TCF4: variants seen among roughly 807,000 people sequenced by gnomAD.
TCF4 encodes SL3-3 enhancer factor 2.
In TCF4, 3 loss-of-function variants were observed where a neutral mutation model predicts 82.1. The ratio of observed to expected loss-of-function variants is 0.04; its 90% CI spans 0.02 to 0.09. TCF4 has a LOEUF of 0.09. TCF4 is among the 10% of genes least tolerant of loss of function. TCF4 has a pLI of 1.00. For missense variants in TCF4, 518 were observed against 852.7 expected (o/e 0.61, Z 4.89); for synonymous variants, 276 against 309.6 (o/e 0.89, Z 1.14).
intron 15 of TCF4, among the ~76,000 whole-genome samples, chr18:55,240,859 A>G (rs2050994200): frequency 6.6e-6 from 1 of 152,154 alleles, no homozygotes. Flanking sequence ...TTGGATTTTT[A>G]CTTGATTCTT....
chr18:55,589,970 TCTC>T (rs1202045397), upstream of TCF4: 10 of 357,846 alleles, frequency 2.8e-5, no homozygotes, highest in Non-Finnish European at 3.5e-5. Context: ...GGGTGGCTGT[TCTC>T]GGGTAGGCGT....
intron 8 of TCF4, among the ~76,000 whole-genome samples, chr18:55,281,501 T>C (rs1313643004): frequency 6.6e-6 from 1 of 152,138 alleles, no homozygotes; most frequent in African/African-American, 2.4e-5. Flanking sequence ...CTATGGAATA[T>C]ACCCAAATTT....
chr18:55,401,344 G>A lies in TCF4; in HGVS notation c.369+2110C>T, dbSNP rs1191184926. On this transcript the variant is annotated intron_variant, in intron 6 of 19. Transcript: ENST00000354452. ...GACCACGCTAAGCACAGAGATAGTAGACTCTTGCAAGACTCACAACCATGA... is the reference window on the plus strand; with the variant it reads ...GACCACGCTAAGCACAGAGATAGTAAACTCTTGCAAGACTCACAACCATGA... 26 of 1,147,740 alleles carry A rather than the reference G, an allele frequency of 2.3e-5. No individual in the cohort carries two copies. The Admixed American group carries it at 1.1e-3, about 47-fold the overall frequency. The allele number at this position is 1,147,740 out of a possible 1,614,324, so 71.1% of individuals were successfully genotyped here. A position where few individuals can be genotyped will look rare whatever the true frequency, so the allele number is the denominator to read the frequency against.
intron 15 of TCF4, among the ~76,000 whole-genome samples, chr18:55,239,133 A>G (rs1205850528): frequency 6.6e-6 from 1 of 152,276 alleles, no homozygotes; most frequent in Non-Finnish European, 1.5e-5. Context: ...GTCAATGGAA[A>G]TAATTAAATG....
In TCF4 at chr18:55,635,508, C is replaced by CA. The variant is rs1277113038; in HGVS notation, c.195+194dup. Among the ~76,000 whole-genome samples the CA allele has an allele frequency of 2.9e-3, 329 of 111,808 alleles. 1 individual carries two copies. The highest frequency in any genetic ancestry group is 9.5e-3 in the Middle Eastern group (2 of 210). 73.4% of individuals were successfully genotyped at this position (111,808 alleles called of 152,430 possible). On this transcript the variant is annotated intron_variant, in intron 1 of 20. Coordinates refer to the TCF4 transcript ENST00000398339. ...TGTGAGACAGAGTGAGGCCCTGTCT[C>CA]AAAAAAAAAAAAAGAAAAGAAAAAG...
chr18:55,455,914 T>C (rs116580314), intron 5 of TCF4, among the ~76,000 whole-genome samples: 2,385 of 152,322 alleles, frequency 0.016, 64 homozygotes, highest in African/African-American at 0.053. Flanking sequence ...AGCTGATTCA[T>C]TGGTTATTCT....
intron 3 of TCF4, among the ~76,000 whole-genome samples, chr18:55,515,730 T>C (rs536541202): frequency 6.6e-5 from 10 of 152,242 alleles, no homozygotes; most frequent in African/African-American, 1.4e-4. Flanking sequence ...TGGCACATTA[T>C]ATACAGAATG....
chr18:55,554,136 A>G (rs371460776), intron 3 of TCF4, among the ~76,000 whole-genome samples: 7 of 152,124 alleles, frequency 4.6e-5, no homozygotes, highest in Non-Finnish European at 5.9e-5. Flanking sequence ...GTATATTGAG[A>G]TGACAGAACC....
chr18:55,324,533 T>G (rs1243402808), intron 8 of TCF4, among the ~76,000 whole-genome samples: 1 of 152,220 alleles, frequency 6.6e-6, no homozygotes, highest in Non-Finnish European at 1.5e-5. Flanking sequence ...AGAATAATTT[T>G]AAAGAAGTCT....
chr18:55,448,207 TC>T (rs1332715246), intron 5 of TCF4, among the ~76,000 whole-genome samples: 2 of 152,166 alleles, frequency 1.3e-5, no homozygotes, highest in African/African-American at 4.8e-5. Context: ...TAAAAACCAG[TC>T]CTCCTTTCAT....
Position 55,542,210 on chromosome 18 carries a change from GTTTC to G in TCF4, c.145+43066_145+43069del, listed in dbSNP as rs2097170437. Among the ~76,000 whole-genome samples the G allele has an allele frequency of 2.0e-5, 3 of 152,026 alleles. No homozygotes were observed. The South Asian group carries it at 6.2e-4, about 31-fold the overall frequency. On this transcript the variant is annotated intron_variant, in intron 3 of 19. Coordinates refer to ENST00000354452, the MANE Select transcript of TCF4 (RefSeq NM_001083962.2). The stretch of plus-strand genomic sequence containing the variant: ...TGTGTGAATATAGTGGCAAATAAAA[GTTTC>G]TTTGTTTCTGAGTTTCCATGAGTAT...
intron 15 of TCF4, 79 bp downstream of exon 15, chr18:55,254,418 A>G: frequency 7.1e-7 from 1 of 1,413,380 alleles, no homozygotes; most frequent in Non-Finnish European, 9.8e-7. Context: ...GATTTTTTAA[A>G]AAACAGCAAC....
chr18:55,609,982 A>ATT (rs929564106), intron 2 of TCF4, among the ~76,000 whole-genome samples: 25 of 146,080 alleles, frequency 1.7e-4, no homozygotes, highest in Non-Finnish European at 3.2e-4. Context: ...TTATTTGCTT[A>ATT]TTTTTTTTTT....
At chr18:55,597,666 C>CAA (rs1044304302) in intron 2 of TCF4, among the ~76,000 whole-genome samples, 1 of 127,008 alleles carries the variant, frequency 7.9e-6, no homozygotes, top group South Asian at 2.4e-4. Context: ...GACTCTGTCT[C>CAA]AAAAAAAAAA....
chr18:55,291,007 A>G (rs1459376888), intron 8 of TCF4, among the ~76,000 whole-genome samples: 1 of 152,206 alleles, frequency 6.6e-6, no homozygotes, highest in Admixed American at 6.5e-5. Flanking sequence ...ATTTTAAATC[A>G]AAAGGACTTT....
intron 17 of TCF4, chr18:55,230,325 GGAT>G (rs2047563086): frequency 6.6e-6 from 1 of 152,192 alleles, no homozygotes; most frequent in Admixed American, 6.5e-5. Context: ...AAGGCAAAGA[GGAT>G]GATGAGCCAC....
At chr18:55,242,810 A>G (rs1376525065) in intron 15 of TCF4, among the ~76,000 whole-genome samples, 1 of 152,140 alleles carries the variant, frequency 6.6e-6, no homozygotes, top group Non-Finnish European at 1.5e-5. Flanking sequence ...GGGTTTCACC[A>G]TGTTGGCTAG....
At chr18:55,305,389 A>C (rs148369656) in intron 8 of TCF4, among the ~76,000 whole-genome samples, 2,384 of 152,318 alleles carry the variant, frequency 0.016, 28 homozygotes, top group Non-Finnish European at 0.025. Context: ...GGTCACTTCC[A>C]AATTTCCTTT....
intron 3 of TCF4, chr18:55,482,255 G>T (rs887477439): frequency 6.6e-6 from 1 of 152,176 alleles, no homozygotes; most frequent in Admixed American, 6.5e-5. Context: ...AGCAAGTTCA[G>T]TCTATAAAAG....
Sources: gnomAD v4.1 joint callset for allele counts (sites outside exome capture counted in the v4.1 genomes callset) on GRCh38, gnomAD v4.1.1 for gene constraint, MANE v1.5 for transcripts, NCBI Gene and HGNC (gene_info 2026-07-23, HGNC 2026-07-21) for gene names.